Variants in PSMB3 observed in about 807,000 individuals in gnomAD.
The protein encoded by PSMB3 is proteasome 20S subunit beta 3.
A neutral mutation model predicts 23.3 loss-of-function variants in PSMB3; 5 were observed. The observed-to-expected ratio is 0.21, with a 90% confidence interval of 0.11 to 0.45. PSMB3 has a LOEUF of 0.45. Ranked by LOEUF, PSMB3 falls within the 20% of genes least tolerant of loss-of-function variation. The pLI is 0.99. For synonymous variants in PSMB3, 85 were observed against 99.8 expected, an observed-to-expected ratio of 0.85 and a Z score of 0.88; for missense variants, 192 against 277.9, an observed-to-expected ratio of 0.69 and a Z score of 2.20.
At chr17:38,763,677 A>G (rs1468806737) in intron 5 of PSMB3, among the ~76,000 whole-genome samples, 1 of 151,434 alleles carries the variant, frequency 6.6e-6, no homozygotes, top group Admixed American at 6.6e-5. Context: ...TAATTTTTGT[A>G]TTTTTAGTAG....
chr17:38,755,512 G>A (rs1908124548), intron 2 of PSMB3: 1 of 152,254 alleles, frequency 6.6e-6, no homozygotes, highest in Admixed American at 6.6e-5. Flanking sequence ...GGGAGTGGTG[G>A]CGGGCGCCTG....
At chr17:38,755,646 T>TAAAAAAAAA (rs66894167) in intron 2 of PSMB3, among the ~76,000 whole-genome samples, 6 of 66,442 alleles carry the variant, frequency 9.0e-5, no homozygotes, top group African/African-American at 2.8e-4. Flanking sequence ...AGACTCCGTC[T>TAAAAAAAAA]AAAAAAAAAA....
chr17:38,754,091 T>G (rs200543691), intron 2 of PSMB3, among the ~76,000 whole-genome samples: 1 of 152,024 alleles, frequency 6.6e-6, no homozygotes, highest in African/African-American at 2.4e-5. Flanking sequence ...AGGGTACTGG[T>G]GCCTGAGGAG....
At chr17:38,756,695 C>T (rs760755176) in intron 3 of PSMB3, among the ~76,000 whole-genome samples, 16 of 152,044 alleles carry the variant, frequency 1.1e-4, no homozygotes, top group Non-Finnish European at 1.9e-4. Context: ...AGAGTTTCAA[C>T]ATGTGGGTCA....
Position 38,753,107 on chromosome 17 carries a change from C to T in PSMB3, c.4-43C>T, listed in dbSNP as rs377351820. On this transcript the variant is annotated intron_variant, in intron 1 of 5. Transcript: ENST00000619426. The stretch of plus-strand genomic sequence containing the variant: ...GGAGCTGGGCCGGGGGCTGTGGCAG[C>T]GTTTGACCCCCCGCGCTGACCCCTC... 1.0e-5 allele frequency: 16 copies of T among 1,553,638 alleles called. No individual in the cohort carries two copies. The African/African-American group carries it at 1.4e-4, about 13-fold the overall frequency.
At chr17:38,753,692 T>G (rs1432264799) in intron 2 of PSMB3, among the ~76,000 whole-genome samples, 1 of 152,152 alleles carries the variant, frequency 6.6e-6, no homozygotes, top group Admixed American at 6.6e-5. Context: ...TTGGCCAGGC[T>G]AGTTTCGAAC....
chr17:38,757,759 G>A (rs1323064964), intron 3 of PSMB3, among the ~76,000 whole-genome samples: 1 of 152,206 alleles, frequency 6.6e-6, no homozygotes, highest in Non-Finnish European at 1.5e-5. Flanking sequence ...AGGTTGCTGT[G>A]AGCAACTTGC....
rs768701987 is a variant in PSMB3 at position 38,762,523 on chromosome 17, G to A, written c.569+18G>A. ...CACATCATGTGAGTATGGGCTGGGA[G>A]AAGTCTAGAAGCTCTGCAGACACCC... is the stretch of plus-strand genomic sequence containing the variant. On this transcript the variant is annotated intron_variant, in intron 5 of 5. Transcript: ENST00000619426. The A allele has an allele frequency of 1.9e-6, 3 of 1,602,716 alleles. No homozygotes were observed. In the South Asian group the frequency reaches 3.3e-5, roughly 18 times the overall value.
At chr17:38,759,768 C>T (rs1224896393) in intron 3 of PSMB3, among the ~76,000 whole-genome samples, 1 of 152,070 alleles carries the variant, frequency 6.6e-6, no homozygotes, top group Non-Finnish European at 1.5e-5. Context: ...AGGAAGGTCT[C>T]GATCTCCTGA....
At chr17:38,756,764 A>G (rs1336583189) in intron 3 of PSMB3, among the ~76,000 whole-genome samples, 1 of 151,682 alleles carries the variant, frequency 6.6e-6, no homozygotes, top group African/African-American at 2.4e-5. Flanking sequence ...CCAAAGTCCT[A>G]TTATAGGCAT....
At chr17:38,753,106 G>A in intron 1 of PSMB3, 44 bp from the exon 2 acceptor site, 2 of 1,552,792 alleles carry the variant, frequency 1.3e-6, no homozygotes, top group Non-Finnish European at 1.7e-6. Context: ...GGCTGTGGCA[G>A]CGTTTGACCC....
chr17:38,760,623 T>G lies in PSMB3; in HGVS notation c.474+15T>G. On this transcript the variant is annotated intron_variant, in intron 4 of 5. Coordinates refer to ENST00000619426, the MANE Select transcript of PSMB3 (RefSeq NM_002795.4). ...AGCCCAACATGGTACGTTGGTGGCA[T>G]GGAGAGGGGCTGGGCTCTGAGTTAC... The G allele has an allele frequency of 6.2e-7, 1 of 1,614,092 alleles. No homozygotes were observed.
At chr17:38,757,958 A>C (rs904151466) in intron 3 of PSMB3, among the ~76,000 whole-genome samples, 5 of 151,442 alleles carry the variant, frequency 3.3e-5, no homozygotes, top group African/African-American at 4.9e-5. Flanking sequence ...CCAGCCAACG[A>C]AAAAAAAAGT....
At chr17:38,764,048 G>A in intron 5 of PSMB3, 71 bp from the exon 6 acceptor site, 1 of 1,588,450 alleles carries the variant, frequency 6.3e-7, no homozygotes, top group Non-Finnish European at 8.6e-7. Context: ...GGTGCTGAGG[G>A]CCAGGAGAGC....
At chr17:38,755,304 T>A (rs1908105497) in intron 2 of PSMB3, 1 of 152,078 alleles carries the variant, frequency 6.6e-6, no homozygotes, top group Non-Finnish European at 1.5e-5. Flanking sequence ...TTCACAAATT[T>A]GCATGTCATC....
In PSMB3 at chr17:38,752,798, C is replaced by A; in HGVS notation, c.-29C>A. The A allele has an allele frequency of 6.2e-7, 1 of 1,613,918 alleles. No homozygotes were observed. Among genetic ancestry groups the A allele is most frequent in the Non-Finnish European group, 8.5e-7 (1 of 1,179,868 alleles). ...ACCCGGTTTACTGGAATTGCTCTGG[C>A]GATCGAGGGATCCTAGTACACCGCA... On this transcript the variant is annotated 5_prime_UTR_variant, in exon 1 of 6. Transcript: ENST00000619426. The surrounding 1 kb of genome is among the most constrained non-coding windows in gnomAD (Gnocchi z 5.5).
intron 4 of PSMB3, chr17:38,762,114 A>G: frequency 2.8e-6 from 1 of 356,778 alleles, no homozygotes; most frequent in Non-Finnish European, 5.1e-6. Context: ...TCTTCTCCCT[A>G]TTTTACAGAG....
At chr17:38,756,925 G>GTGTGCA (rs1223151110) in intron 3 of PSMB3, among the ~76,000 whole-genome samples, 1 of 148,004 alleles carries the variant, frequency 6.8e-6, no homozygotes, top group Non-Finnish European at 1.5e-5. Context: ...TGTCGCCCTG[G>GTGTGCA]TGTGCAATCA....
chr17:38,757,171 G>T (rs1908237819), intron 3 of PSMB3, among the ~76,000 whole-genome samples: 1 of 150,480 alleles, frequency 6.6e-6, no homozygotes, highest in African/African-American at 2.4e-5. Context: ...ATGAGCCACT[G>T]CGCCCTGCAA....
Sources: allele counts gnomAD v4.1 joint callset (sites outside exome capture counted in the v4.1 genomes callset), GRCh38; gene constraint gnomAD v4.1.1; non-coding constraint Gnocchi (gnomAD v3.1); transcripts MANE v1.5; gene names NCBI Gene and HGNC (gene_info 2026-07-23, HGNC 2026-07-21).